CNNM2: variants seen among roughly 807,000 people sequenced by gnomAD.
CNNM2 encodes the protein cyclin and CBS domain divalent metal cation transport mediator 2.
In CNNM2, 12 loss-of-function variants were observed where a neutral mutation model predicts 66.9. That is an observed-to-expected ratio of 0.18 (90% CI 0.11 to 0.29). The LOEUF is 0.29. Ranked by LOEUF, CNNM2 falls within the 10% of genes least tolerant of loss-of-function variation. The pLI is 1.00. For missense variants in CNNM2, 705 were observed against 1,167.7 expected, an observed-to-expected ratio of 0.60 and a Z score of 5.77; for synonymous variants, 557 against 501.8, an observed-to-expected ratio of 1.11 and a Z score of -1.47.
Position 103,080,878 on chromosome 10 carries a change from T to C in CNNM2, c.*3698T>C, listed in dbSNP as rs10883829. 47,226 of 152,024 alleles carry C rather than the reference T, an allele frequency of 0.31. 7,477 individuals are homozygous for C. Among genetic ancestry groups the C allele is most frequent in the Middle Eastern group, 0.36 (106 of 294 alleles). The allele number at this position is 152,024 out of a possible 1,614,324, so 9.4% of individuals were successfully genotyped here. The stretch of plus-strand genomic sequence containing the variant: ...CTCTCTTTGGGTTGAGGAGCAGACC[T>C]GTATAGGCCCTGGCTGATCAAGTCT... On this transcript the variant is annotated 3_prime_UTR_variant, in exon 8 of 8. Coordinates refer to ENST00000369878, the MANE Select transcript of CNNM2 (RefSeq NM_017649.5).
At chr10:102,930,364 C>T (rs911788811) in intron 1 of CNNM2, among the ~76,000 whole-genome samples, 1 of 152,082 alleles carries the variant, frequency 6.6e-6, no homozygotes, top group African/African-American at 2.4e-5. Flanking sequence ...CATAGCCAGT[C>T]TTTGTGAAAA....
chr10:102,963,322 C>T (rs1327500930), intron 1 of CNNM2, among the ~76,000 whole-genome samples: 2 of 152,186 alleles, frequency 1.3e-5, no homozygotes, highest in African/African-American at 2.4e-5. Context: ...CTAACTGGAA[C>T]GCACAGTCAC....
intron 1 of CNNM2, among the ~76,000 whole-genome samples, chr10:102,963,821 A>T (rs981175491): frequency 1.3e-5 from 2 of 152,240 alleles, no homozygotes; most frequent in African/African-American, 4.8e-5. Context: ...ATAGTTTTTA[A>T]TACAAACTTG....
chr10:103,056,987 G>A (rs761555015), intron 4 of CNNM2, 23 bp downstream of exon 4: 1 of 1,598,008 alleles, frequency 6.3e-7, no homozygotes, highest in Admixed American at 1.7e-5. Flanking sequence ...ATTCAATAGT[G>A]GTTTGCTCTC....
At chr10:102,921,822 T>C (rs1845650036) in intron 1 of CNNM2, among the ~76,000 whole-genome samples, 1 of 152,196 alleles carries the variant, frequency 6.6e-6, no homozygotes, top group Non-Finnish European at 1.5e-5. Context: ...TTGATAACAC[T>C]AGTTTGTACT....
chr10:103,045,073 T>TG (rs901319580), intron 1 of CNNM2, among the ~76,000 whole-genome samples: 5 of 152,198 alleles, frequency 3.3e-5, no homozygotes, highest in African/African-American at 1.2e-4. Flanking sequence ...TCCTTTTAAA[T>TG]GATCACAAGC....
At position 102,952,183 on chromosome 10, in the gene CNNM2, G is replaced by A. The variant is rs9733635; in HGVS notation, c.1621+32082G>A. On this transcript the variant is annotated intron_variant, in intron 1 of 7. Transcript: ENST00000369878. ...CTTGAACTCCTGGGCTCAAACAGTCGTCCTGCCTTGGCCTCCCAAAGGGCT... is the reference window on the plus strand; with the variant it reads ...CTTGAACTCCTGGGCTCAAACAGTCATCCTGCCTTGGCCTCCCAAAGGGCT... Among the ~76,000 whole-genome samples, 47,444 of 151,480 alleles carry A rather than the reference G, an allele frequency of 0.31. 7,522 individuals carry two copies. Among genetic ancestry groups the A allele is most frequent in the Middle Eastern group, 0.37 (106 of 288 alleles).
chr10:103,049,943 C>G, intron 2 of CNNM2, 93 bp downstream of exon 2: 1 of 1,267,538 alleles, frequency 7.9e-7, no homozygotes, highest in East Asian at 2.4e-5. Context: ...GTTGCTGCCT[C>G]TGTTTATAAT....
At chr10:102,987,163 G>A (rs890675243) in intron 1 of CNNM2, among the ~76,000 whole-genome samples, 1 of 152,094 alleles carries the variant, frequency 6.6e-6, no homozygotes, top group Admixed American at 6.6e-5. Context: ...GCTGAGGGTG[G>A]AGAGTTTGAA....
In CNNM2 at chr10:102,945,949, C is replaced by G. The variant is rs10786728; in HGVS notation, c.1621+25848C>G. On this transcript the variant is annotated intron_variant, in intron 1 of 7. Transcript: ENST00000369878. ...CTTTACCTGTAAAGCTACTTCATCT[C>G]TGTGGTCATTGATTACTTTACCATA... Among the ~76,000 whole-genome samples the G allele has an allele frequency of 0.13, 19,954 of 152,088 alleles. 1,352 individuals are homozygous for G. The highest frequency in any genetic ancestry group is 0.22 in the Middle Eastern group (66 of 294).
intron 1 of CNNM2, among the ~76,000 whole-genome samples, chr10:103,030,977 A>G (rs909118306): frequency 1.3e-5 from 2 of 152,172 alleles, no homozygotes; most frequent in South Asian, 4.1e-4. Context: ...GACCAGATGG[A>G]CAGATGGAAT....
At chr10:102,927,245 A>G in intron 1 of CNNM2, 1 of 1,494,554 alleles carries the variant, frequency 6.7e-7, no homozygotes, top group Non-Finnish European at 9.2e-7. Context: ...TGCTTGACAT[A>G]TAAAGAGTAC....
rs35468777 is a variant in CNNM2, at chr10:102,989,948, C to CTTT, written c.1622-59747_1622-59745dup. On this transcript the variant is annotated intron_variant, in intron 1 of 7. Coordinates refer to ENST00000369878, the MANE Select transcript of CNNM2 (RefSeq NM_017649.5). ...CCTCTTACTTTTCATATCCATTAAACTTTTTTTTTTTTTTGAGACAGAGTC... is the reference window on the plus strand; with the variant it reads ...CCTCTTACTTTTCATATCCATTAAACTTTTTTTTTTTTTTTTTGAGACAGAGTC... Among the ~76,000 whole-genome samples, 282 of 142,944 alleles carry CTTT rather than the reference C, an allele frequency of 2.0e-3. 7 individuals are homozygous for CTTT. The highest frequency in any genetic ancestry group is 0.013 in the Admixed American group (183 of 14,242). 93.8% of individuals were successfully genotyped at this position (142,944 alleles called of 152,430 possible).
chr10:103,036,895 T>G lies in CNNM2; in HGVS notation c.1622-12812T>G, dbSNP rs10883822. Among the ~76,000 whole-genome samples the G allele has an allele frequency of 0.2, 30,809 of 152,058 alleles. 3,244 individuals are homozygous for G. Among genetic ancestry groups the G allele is most frequent in the Non-Finnish European group, 0.22 (14,984 of 67,990 alleles). ...AATGATTAGTTTGTGGGTATGGCTATAAAAGGGAAATAGGAAGGTCATTGT... is the reference window on the plus strand; with the variant it reads ...AATGATTAGTTTGTGGGTATGGCTAGAAAAGGGAAATAGGAAGGTCATTGT... On this transcript the variant is annotated intron_variant, in intron 1 of 7. Coordinates refer to ENST00000369878, the MANE Select transcript of CNNM2 (RefSeq NM_017649.5).
intron 5 of CNNM2, 95 bp downstream of exon 5, chr10:103,068,817 C>G (rs1025769001): frequency 1.6e-5 from 15 of 960,444 alleles, no homozygotes; most frequent in Non-Finnish European, 2.2e-5. Context: ...CCAGCTGACC[C>G]CATTCACTTC....
At chr10:103,031,849 T>G (rs2064828764) in intron 1 of CNNM2, among the ~76,000 whole-genome samples, 1 of 151,654 alleles carries the variant, frequency 6.6e-6, no homozygotes. Flanking sequence ...GGGGGGGGCG[T>G]GAGGGGATTT....
intron 4 of CNNM2, among the ~76,000 whole-genome samples, chr10:103,058,789 G>A (rs946641253): frequency 2.0e-5 from 3 of 152,182 alleles, no homozygotes; most frequent in African/African-American, 7.2e-5. Flanking sequence ...CTTGCAGACA[G>A]CCAGTTACCT....
At chr10:102,980,411 A>G (rs2063702597) in intron 1 of CNNM2, among the ~76,000 whole-genome samples, 1 of 151,118 alleles carries the variant, frequency 6.6e-6, no homozygotes, top group Non-Finnish European at 1.5e-5. Context: ...GCTGGACTAC[A>G]GGCGCATACC....
chr10:102,978,595 A>G (rs753845431), intron 1 of CNNM2, among the ~76,000 whole-genome samples: 5 of 152,096 alleles, frequency 3.3e-5, no homozygotes, highest in Non-Finnish European at 7.4e-5. Context: ...CCTCCTTATA[A>G]TTATTTTCCA....
Sources: gnomAD v4.1 joint callset for allele counts (sites outside exome capture counted in the v4.1 genomes callset) on GRCh38, gnomAD v4.1.1 for gene constraint, MANE v1.5 for transcripts, NCBI Gene and HGNC (gene_info 2026-07-23, HGNC 2026-07-21) for gene names.